The following FSIP2 variants were observed in gnomAD, a reference collection of about 807,000 sequenced individuals.
FSIP2 encodes the protein fibrous sheath-interacting protein 2.
FSIP2 carries 367 observed loss-of-function variants against 510.5 expected under a neutral mutation model. The ratio of observed to expected loss-of-function variants is 0.72; its 90% confidence interval spans 0.66 to 0.78. The LOEUF is 0.78. Among genes scored for constraint, FSIP2 ranks in the 30% least tolerant of loss-of-function variants. FSIP2 has a pLI of 0.00. For synonymous variants in FSIP2, 2,601 were observed against 2,732.2 expected, an observed-to-expected ratio of 0.95 and a Z score of 1.50; for missense variants, 7,594 against 7,901.7, an observed-to-expected ratio of 0.96 and a Z score of 1.48.
chr2:185,807,129 T>C lies in FSIP2; in HGVS notation c.17823T>C (p.Asn5941=), dbSNP rs150339040. The part of the protein sequence containing the change: ...QDSIWKNINS[N]GENLARRLTS... ...CTATTTGGAAGAATATAAACAGTAATGGAGAAAATTTAGCAAGAAGACTAA... is the reference window on the plus strand; with the variant it reads ...CTATTTGGAAGAATATAAACAGTAACGGAGAAAATTTAGCAAGAAGACTAA... The change falls in exon 17 of 23, where the codon AAT becomes AAC. Residue 5941 remains asparagine (N), a synonymous_variant. Transcript: ENST00000424728. The C allele has an allele frequency of 9.7e-5, 155 of 1,601,586 alleles. No individual in the cohort carries two copies. The Middle Eastern group carries it at 3.9e-3, about 40-fold the overall frequency.
Position 185,786,306 on chromosome 2 carries a change from C to T in FSIP2, c.1506+18C>T. On this transcript the variant is annotated intron_variant, in intron 15 of 22. Coordinates refer to ENST00000424728, the MANE Select transcript of FSIP2 (RefSeq NM_173651.4). ...AAGAAAAAGTATGTATCATAAAATC[C>T]ACCGAGAAAGCAACATATTAGTCAT... 6.7e-7 allele frequency: 1 copy of T among 1,500,424 alleles called. No individual in the cohort carries two copies. The highest frequency in any genetic ancestry group is 8.9e-7 in the Non-Finnish European group (1 of 1,120,964). The allele number at this position is 1,500,424 out of a possible 1,614,324, so 92.9% of individuals were successfully genotyped here. A position where few individuals can be genotyped will look rare whatever the true frequency, so the allele number is the denominator to read the frequency against.
chr2:185,791,639 T>C lies in FSIP2; in HGVS notation c.4503T>C (p.Asp1501=), dbSNP rs1693132646. Residue 1501 remains aspartate, a synonymous_variant, in exon 16 of 23, where the codon GAT becomes GAC. Coordinates refer to ENST00000424728, the MANE Select transcript of FSIP2 (RefSeq NM_173651.4). The part of the protein sequence containing the change: ...ILAKLCGVDM[D]TSFASCGLKA... Reference sequence around the variant, plus strand: ...CAAAATTATGTGGTGTTGACATGGATACCAGTTTTGCAAGTTGTGGATTAA... The same window carrying C: ...CAAAATTATGTGGTGTTGACATGGACACCAGTTTTGCAAGTTGTGGATTAA... 1.3e-6 allele frequency: 2 copies of C among 1,534,118 alleles called. No homozygotes were observed. The highest frequency in any genetic ancestry group is 1.7e-6 in the Non-Finnish European group (2 of 1,145,530).
chr2:185,781,871 T>G (rs1692856579), intron 13 of FSIP2, among the ~76,000 whole-genome samples: 1 of 151,404 alleles, frequency 6.6e-6, no homozygotes, highest in Non-Finnish European at 1.5e-5. Flanking sequence ...GGAGTCTTGC[T>G]CTGTCACCCA....
chr2:185,738,878 AGGG>A lies in FSIP2; in HGVS notation c.-14_-12del. 1 of 1,535,238 alleles carries A rather than the reference AGGG, an allele frequency of 6.5e-7. No homozygotes were observed. ...AGCGGGGCGGGTGAGGAAGGGGCTG[AGGG>A]GGCTGTGCCGGCCATGGAGCTGTAC... On this transcript the variant is annotated 5_prime_UTR_variant, in exon 1 of 23. Coordinates refer to ENST00000424728, the MANE Select transcript of FSIP2 (RefSeq NM_173651.4).
In FSIP2 at chr2:185,806,175, T is replaced by C. The variant is rs200589762; in HGVS notation, c.16869T>C (p.Asp5623=). ...CAAGGGAAAGCTCATTTAAAAAAGA[T>C]GACAAGCTCTTTCAGTTATCCTCCT... ...DNARESSFKK[D]DKLFQLSSLK... is the part of the protein sequence containing the mutation. Residue 5623 remains aspartate, a synonymous_variant, in exon 17 of 23, where the codon GAT becomes GAC. Transcript: ENST00000424728. 1 of 1,585,318 alleles carries C rather than the reference T, an allele frequency of 6.3e-7. No individual in the cohort carries two copies. Among genetic ancestry groups the C allele is most frequent in the Non-Finnish European group, 8.5e-7 (1 of 1,171,154 alleles).
chr2:185,743,201 A>G lies in FSIP2; in HGVS notation c.294A>G (p.Lys98=). The change falls in exon 3 of 23, where the codon AAA becomes AAG. Residue 98 remains lysine (K), a synonymous_variant. Transcript: ENST00000424728. ...GTCGACTTTTGGAAAACCAATATAAAAGCCTCCATGATCCACATTTAAAAG... is the reference window on the plus strand; with the variant it reads ...GTCGACTTTTGGAAAACCAATATAAGAGCCTCCATGATCCACATTTAAAAG... ...PYCRLLENQY[K]SLHDPHLKAY... The G allele has an allele frequency of 6.5e-7, 1 of 1,530,648 alleles. No homozygotes were observed. Among genetic ancestry groups the G allele is most frequent in the Non-Finnish European group, 8.7e-7 (1 of 1,144,486 alleles). 94.8% of individuals were successfully genotyped at this position (1,530,648 alleles called of 1,614,324 possible). A position where few individuals can be genotyped will look rare whatever the true frequency, so the allele number is the denominator to read the frequency against.
rs1350873490 is a variant in FSIP2 at position 185,792,755 on chromosome 2, T to C, written c.5619T>C (p.Thr1873=). 3 of 1,534,190 alleles carry C rather than the reference T, an allele frequency of 2.0e-6. No homozygotes were observed. The highest frequency in any genetic ancestry group is 1.2e-5 in the South Asian group (1 of 84,018). The change falls in exon 16 of 23, where the codon ACT becomes ACC. Residue 1873 remains threonine, a synonymous_variant. Transcript: ENST00000424728. The stretch of plus-strand genomic sequence containing the variant: ...GGGAAAATAGGTATAAAACTATCAC[T>C]TTTTCAGCAAATGTTTCTTCTCATG... ...NVRENRYKTI[T]FSANVSSHEH... is the part of the protein sequence containing the mutation.
At chr2:185,772,992 C>G (rs1374512256) in intron 13 of FSIP2, among the ~76,000 whole-genome samples, 1 of 152,098 alleles carries the variant, frequency 6.6e-6, no homozygotes, top group African/African-American at 2.4e-5. Context: ...TCCCAAATAG[C>G]TGAGACTACA....
Position 185,805,215 on chromosome 2 carries a change from G to T in FSIP2, c.15909G>T (p.Met5303Ile). 1 of 1,602,952 alleles carries T rather than the reference G, an allele frequency of 6.2e-7. No individual in the cohort carries two copies. The highest frequency in any genetic ancestry group is 1.1e-5 in the South Asian group (1 of 88,686). The change falls in exon 17 of 23, where the codon ATG becomes ATT. Residue 5303 changes from methionine (M) to isoleucine (I), a missense_variant. Transcript: ENST00000424728. ...IITEDSKKNE[M>I]AELDIMGLAL... ...CTGAAGATTCTAAGAAAAATGAAATGGCAGAGCTAGATATTATGGGCTTGG... is the reference window on the plus strand; with the variant it reads ...CTGAAGATTCTAAGAAAAATGAAATTGCAGAGCTAGATATTATGGGCTTGG...
Position 185,808,992 on chromosome 2 carries a change from T to G in FSIP2, c.19686T>G (p.Thr6562=), listed in dbSNP as rs1030649717. 44 of 1,612,658 alleles carry G rather than the reference T, an allele frequency of 2.7e-5. No individual in the cohort carries two copies. Among genetic ancestry groups the G allele is most frequent in the Non-Finnish European group, 3.7e-5 (44 of 1,179,474 alleles). Residue 6562 remains threonine, a synonymous_variant, in exon 17 of 23, where the codon ACT becomes ACG. Transcript: ENST00000424728. The part of the protein sequence containing the change: ...EKLKQECLKR[T]GHSIAELRRA... ...TTAAGCAGGAGTGTTTGAAAAGAAC[T>G]GGACATAGCATAGCAGAACTGAGAA...
At position 185,795,636 on chromosome 2, in the gene FSIP2, G is replaced by A. The variant is rs746050835; in HGVS notation, c.8500G>A (p.Glu2834Lys). ...SSQLEHIFPREGIFKKLFDKW... is the reference protein window; with the variant it reads ...SSQLEHIFPRKGIFKKLFDKW... ...ACAGCTAGAGCACATTTTTCCTAGA[G>A]AAGGTATATTTAAAAAATTGTTTGA... is the stretch of plus-strand genomic sequence containing the variant. The change falls in exon 16 of 23, where the codon GAA (glutamate) becomes AAA (lysine). Residue 2834 changes from glutamate to lysine, a missense_variant. Transcript: ENST00000424728. 3.9e-6 allele frequency: 6 copies of A among 1,534,540 alleles called. No homozygotes were observed. In the South Asian group the frequency reaches 7.1e-5, roughly 18 times the overall value.
At chr2:185,761,629 G>T (rs1267810186) in intron 10 of FSIP2, among the ~76,000 whole-genome samples, 1 of 151,078 alleles carries the variant, frequency 6.6e-6, no homozygotes, top group Non-Finnish European at 1.5e-5. Context: ...GGGTATGAAT[G>T]GATTACATTG....
intron 13 of FSIP2, among the ~76,000 whole-genome samples, chr2:185,773,604 T>G (rs768264546): frequency 6.6e-6 from 1 of 152,208 alleles, no homozygotes; most frequent in African/African-American, 2.4e-5. Context: ...TATTTGTCTG[T>G]AGTGTCAAAT....
Position 185,790,132 on chromosome 2 carries a change from T to C in FSIP2, c.2996T>C (p.Leu999Pro). 3.3e-6 allele frequency: 5 copies of C among 1,533,768 alleles called. No homozygotes were observed. Among genetic ancestry groups the C allele is most frequent in the Non-Finnish European group, 4.4e-6 (5 of 1,145,300 alleles). The stretch of plus-strand genomic sequence containing the variant: ...CCTATAAATGTTCCAGGCATGGTTC[T>C]TTATTCTGATGATGAAAATGAGGAA... ...FPPINVPGMVLYSDDENEEID... is the reference protein window; with the variant it reads ...FPPINVPGMVPYSDDENEEID... Residue 999 changes from leucine (L) to proline (P), a missense_variant, in exon 16 of 23, where the codon CTT becomes CCT. Physicochemically the swap from Leu to Pro is moderately conservative, Grantham distance 98 (BLOSUM62 -3). Coordinates refer to ENST00000424728, the MANE Select transcript of FSIP2 (RefSeq NM_173651.4).
upstream of FSIP2, among the ~76,000 whole-genome samples, chr2:185,737,755 T>C (rs967562228): frequency 6.6e-6 from 1 of 151,994 alleles, no homozygotes; most frequent in Non-Finnish European, 1.5e-5. Context: ...TTGTGGGATA[T>C]CCATATGGAA....
At chr2:185,741,538 G>A (rs1022522073) in intron 2 of FSIP2, among the ~76,000 whole-genome samples, 1 of 152,138 alleles carries the variant, frequency 6.6e-6, no homozygotes, top group Admixed American at 6.5e-5. Flanking sequence ...ACAGCTAAAT[G>A]TCAACATCTG....
chr2:185,813,595 G>A lies in FSIP2; in HGVS notation c.19878G>A (p.Lys6626=). 6.4e-7 allele frequency: 1 copy of A among 1,571,492 alleles called. No individual in the cohort carries two copies. The highest frequency in any genetic ancestry group is 8.6e-7 in the Non-Finnish European group (1 of 1,160,550). ...FQNIRKPDIT[K]VELLKDVQSK... ...ATATAAGAAAGCCTGATATTACAAA[G>A]GTGGAGCTCTTAAAAGATGTTCAAA... Residue 6626 remains lysine, a synonymous_variant, in exon 18 of 23, where the codon AAG becomes AAA. Transcript: ENST00000424728.
chr2:185,801,438 C>A lies in FSIP2; in HGVS notation c.12132C>A (p.Ser4044Arg), dbSNP rs1331242486. ...CACCAGTTCATACAGAAACTGTTAG[C>A]AAAATTGTTGACTCAGTTTATTATG... Reference protein sequence around the residue: ...CFPPVHTETVSKIVDSVYYDV... With the variant: ...CFPPVHTETVRKIVDSVYYDV... Residue 4044 changes from serine to arginine, a missense_variant, in exon 17 of 23, where the codon AGC (serine) becomes AGA (arginine). Ser to Arg is a moderately radical substitution (Grantham distance 110, BLOSUM62 -1). Coordinates refer to ENST00000424728, the MANE Select transcript of FSIP2 (RefSeq NM_173651.4). 6.5e-7 allele frequency: 1 copy of A among 1,533,744 alleles called. No individual in the cohort carries two copies. Among genetic ancestry groups the A allele is most frequent in the Non-Finnish European group, 8.7e-7 (1 of 1,145,412 alleles).
intron 13 of FSIP2, among the ~76,000 whole-genome samples, chr2:185,776,442 A>G (rs1025014943): frequency 4.6e-5 from 7 of 152,006 alleles, no homozygotes; most frequent in African/African-American, 1.7e-4. Flanking sequence ...TTTCAGTGTA[A>G]TGGTTACCTG....
Sources: gnomAD v4.1 joint callset for allele counts (sites outside exome capture counted in the v4.1 genomes callset) on GRCh38, gnomAD v4.1.1 for gene constraint, MANE v1.5 for transcripts, NCBI Gene and HGNC (gene_info 2026-07-23, HGNC 2026-07-21) for gene names.